The following CNTN4 variants were observed in gnomAD, a reference collection of about 807,000 sequenced individuals.
CNTN4 encodes contactin 4.
Under a neutral mutation model 122.5 loss-of-function variants are expected in CNTN4, and 77 were observed. The ratio of observed to expected loss-of-function variants is 0.63; its 90% CI spans 0.52 to 0.76. CNTN4 has a LOEUF of 0.76. Among genes scored for constraint, CNTN4 ranks in the 30% least tolerant of loss-of-function variants. The pLI is 0.00. For synonymous variants in CNTN4, 512 were observed against 447.0 expected (o/e 1.15, Z -1.83); for missense variants, 1,256 against 1,259.1 (o/e 1.00, Z 0.04).
chr3:2,135,651 T>A (rs2034657018), intron 2 of CNTN4, among the ~76,000 whole-genome samples: 1 of 151,984 alleles, frequency 6.6e-6, no homozygotes, highest in African/African-American at 2.4e-5. Context: ...TGGGAAAGTG[T>A]GGAAATGGGG....
chr3:2,127,368 TAA>T (rs2034226291), intron 2 of CNTN4, among the ~76,000 whole-genome samples: 1 of 152,118 alleles, frequency 6.6e-6, no homozygotes, highest in Non-Finnish European at 1.5e-5. Flanking sequence ...TTCAATTTTT[TAA>T]TAAACTCAAT....
rs115365360 is a variant in CNTN4 at position 2,291,246 on chromosome 3, G to A, written c.-144-47932G>A. On this transcript the variant is annotated intron_variant, in intron 2 of 24. Coordinates refer to ENST00000418658, the MANE Select transcript of CNTN4 (RefSeq NM_175607.3). ...CAGGGAGTATATAAAGGCTGTGTTC[G>A]TCCCCAGTGCTAAGTACAGACCCTA... Among the ~76,000 whole-genome samples the A allele has an allele frequency of 6.6e-3, 998 of 152,042 alleles. 16 individuals carry two copies. The highest frequency in any genetic ancestry group is 0.023 in the African/African-American group (944 of 41,476).
intron 3 of CNTN4, among the ~76,000 whole-genome samples, chr3:2,468,749 G>C (rs1207835536): frequency 6.6e-6 from 1 of 151,574 alleles, no homozygotes; most frequent in African/African-American, 2.4e-5. Context: ...TTCGCCTTTA[G>C]TTCTCATGCA....
rs1249232552 is a variant in CNTN4 at position 2,819,593 on chromosome 3, T to C, written c.454+12T>C. ...ACCCCATTCTGGAGGTACATATAAA[T>C]GAACTGACATATGCATGCTTCACTC... On this transcript the variant is annotated intron_variant, in intron 7 of 24. Coordinates refer to ENST00000418658, the MANE Select transcript of CNTN4 (RefSeq NM_175607.3). 6.4e-7 allele frequency: 1 copy of C among 1,563,722 alleles called. No individual in the cohort carries two copies. Among genetic ancestry groups the C allele is most frequent in the South Asian group, 1.1e-5 (1 of 90,092 alleles).
At chr3:3,030,723 C>T (rs1487436458) in intron 15 of CNTN4, 132 bp from the exon 16 acceptor site, 1 of 1,076,038 alleles carries the variant, frequency 9.3e-7, no homozygotes, top group East Asian at 2.5e-5. Context: ...TTTTAACAGG[C>T]CATGGTTTGC....
chr3:2,273,622 A>G (rs2041386429), intron 2 of CNTN4, among the ~76,000 whole-genome samples: 1 of 152,180 alleles, frequency 6.6e-6, no homozygotes, highest in African/African-American at 2.4e-5. Flanking sequence ...TGTTTGTCCT[A>G]GAAATTTAAT....
At chr3:2,155,040 G>A (rs1271594924) in intron 2 of CNTN4, among the ~76,000 whole-genome samples, 1 of 152,192 alleles carries the variant, frequency 6.6e-6, no homozygotes, top group African/African-American at 2.4e-5. Flanking sequence ...TTTGTTAAGT[G>A]TTTTGTGTCC....
intron 1 of CNTN4, among the ~76,000 whole-genome samples, chr3:2,100,193 G>A (rs2031795206): frequency 6.6e-6 from 1 of 152,196 alleles, no homozygotes; most frequent in South Asian, 2.1e-4. Flanking sequence ...TGTAAGAGGA[G>A]TTCCTGAAAG....
At chr3:2,964,522 C>T (rs896576149) in intron 13 of CNTN4, among the ~76,000 whole-genome samples, 1 of 152,078 alleles carries the variant, frequency 6.6e-6, no homozygotes, top group African/African-American at 2.4e-5. Context: ...ATATAAATCA[C>T]CTAAGAACCT....
At chr3:2,552,775 C>G (rs1471676434) in intron 3 of CNTN4, among the ~76,000 whole-genome samples, 1 of 152,096 alleles carries the variant, frequency 6.6e-6, no homozygotes, top group African/African-American at 2.4e-5. Flanking sequence ...CAGCAAGCTG[C>G]TGAATGGAAA....
intron 1 of CNTN4, chr3:2,099,242 C>A (rs1306816125): frequency 6.6e-6 from 1 of 152,376 alleles, no homozygotes. Context: ...ACGCCACCGT[C>A]ACCCCACAGC....
intron 4 of CNTN4, among the ~76,000 whole-genome samples, chr3:2,622,815 G>A (rs938804500): frequency 6.6e-6 from 1 of 152,156 alleles, no homozygotes; most frequent in Non-Finnish European, 1.5e-5. Context: ...GCAAGATCAC[G>A]CAGCTGGTGT....
At chr3:2,234,746 G>A (rs565966965) in intron 2 of CNTN4, among the ~76,000 whole-genome samples, 13 of 152,224 alleles carry the variant, frequency 8.5e-5, no homozygotes, top group African/African-American at 2.9e-4. Flanking sequence ...GAGTGTGATC[G>A]TCACAAAGAG....
At chr3:2,213,897 A>G (rs559071214) in intron 2 of CNTN4, among the ~76,000 whole-genome samples, 12 of 152,324 alleles carry the variant, frequency 7.9e-5, no homozygotes, top group South Asian at 2.1e-4. Context: ...GAGGTTGGCA[A>G]CAAACCACGA....
chr3:2,972,609 A>G (rs943754099), intron 13 of CNTN4, among the ~76,000 whole-genome samples: 2 of 152,232 alleles, frequency 1.3e-5, no homozygotes, highest in Non-Finnish European at 2.9e-5. Context: ...TCAGAACACT[A>G]TCTTCCTTTC....
intron 4 of CNTN4, among the ~76,000 whole-genome samples, chr3:2,726,277 T>C (rs1427961157): frequency 1.3e-5 from 2 of 152,198 alleles, no homozygotes; most frequent in African/African-American, 4.8e-5. Context: ...TGGTCACCCA[T>C]GCATGGGAAC....
intron 17 of CNTN4, 136 bp from the exon 18 acceptor site, chr3:3,037,043 C>T (rs773505644): frequency 2.0e-6 from 2 of 994,772 alleles, no homozygotes; most frequent in Non-Finnish European, 3.2e-6. Context: ...GTTGATGCAG[C>T]TAATATCAGA....
chr3:2,769,152 C>T (rs2090980604), intron 6 of CNTN4, among the ~76,000 whole-genome samples: 1 of 152,066 alleles, frequency 6.6e-6, no homozygotes, highest in Non-Finnish European at 1.5e-5. Context: ...CCAGTCTACG[C>T]AAATATGCAC....
At chr3:2,135,772 G>T (rs988303197) in intron 2 of CNTN4, among the ~76,000 whole-genome samples, 9 of 152,154 alleles carry the variant, frequency 5.9e-5, no homozygotes, top group African/African-American at 2.2e-4. Flanking sequence ...CAGATTTGTT[G>T]TTCAGAACAA....
Sources: gnomAD v4.1 joint callset for allele counts (sites outside exome capture counted in the v4.1 genomes callset) on GRCh38, gnomAD v4.1.1 for gene constraint, MANE v1.5 for transcripts, NCBI Gene and HGNC (gene_info 2026-07-23, HGNC 2026-07-21) for gene names.